Variants in CDH20 observed in about 807,000 individuals in gnomAD.
CDH20 encodes the protein cadherin-20.
CDH20 carries 29 observed loss-of-function variants against 74.2 expected under a neutral mutation model. The observed-to-expected ratio is 0.39, with a 90% CI of 0.29 to 0.53. CDH20 has a LOEUF of 0.53. Ranked by LOEUF, CDH20 falls within the 20% of genes least tolerant of loss-of-function variation. CDH20 has a pLI of 0.69. For missense variants in CDH20, 988 were observed against 1,048.3 expected (o/e 0.94, Z 0.79); for synonymous variants, 469 against 405.4 (o/e 1.16, Z -1.88).
chr18:61,414,020 T>C (rs941976702), intron 1 of CDH20, among the ~76,000 whole-genome samples: 5 of 152,196 alleles, frequency 3.3e-5, no homozygotes, highest in Non-Finnish European at 4.4e-5. Context: ...GATTTCTCAC[T>C]CTGCTCTGTT....
chr18:61,350,193 T>G (rs766040337), intron 1 of CDH20, among the ~76,000 whole-genome samples: 21 of 152,158 alleles, frequency 1.4e-4, no homozygotes, highest in Non-Finnish European at 2.5e-4. Context: ...TGCTTAGCAG[T>G]GTTTATTGCT....
At chr18:61,337,291 G>A (rs1349890262) in intron 1 of CDH20, among the ~76,000 whole-genome samples, 2 of 152,182 alleles carry the variant, frequency 1.3e-5, no homozygotes, top group Non-Finnish European at 2.9e-5. Flanking sequence ...CTTCGGATAT[G>A]GGGAAAATTT....
intron 1 of CDH20, among the ~76,000 whole-genome samples, chr18:61,470,815 G>C (rs1271535908): frequency 6.6e-6 from 1 of 152,010 alleles, no homozygotes; most frequent in African/African-American, 2.4e-5. Context: ...ATACTGAAAC[G>C]TGAAATTGAG....
chr18:61,413,147 TG>T (rs945385825), intron 1 of CDH20, among the ~76,000 whole-genome samples: 13 of 152,226 alleles, frequency 8.5e-5, no homozygotes, highest in African/African-American at 3.1e-4. Flanking sequence ...AAATACAAAA[TG>T]TTTTAATTTT....
chr18:61,489,175 A>G (rs146001152), intron 1 of CDH20, among the ~76,000 whole-genome samples: 1 of 152,362 alleles, frequency 6.6e-6, no homozygotes, highest in East Asian at 1.9e-4. Flanking sequence ...GGCATATTGT[A>G]TTAAATAATT....
chr18:61,485,297 A>T (rs912948423), intron 1 of CDH20, among the ~76,000 whole-genome samples: 1 of 152,230 alleles, frequency 6.6e-6, no homozygotes, highest in African/African-American at 2.4e-5. Flanking sequence ...ATATGTAAAC[A>T]TTGATTTTTA....
chr18:61,353,405 C>T lies in CDH20; in HGVS notation c.-153+19578C>T, dbSNP rs1250139900. 6.6e-6 allele frequency among the ~76,000 whole-genome samples: 1 copy of T among 152,146 alleles called. No individual in the cohort carries two copies. Among genetic ancestry groups the T allele is most frequent in the African/African-American group, 2.4e-5 (1 of 41,420 alleles). ...CAAAAGCCTTCTCAATTTTATGGGT[C>T]AATAGTTACTTCTTCTTCCCCTAGA... On this transcript the variant is annotated intron_variant, in intron 1 of 11. Coordinates refer to ENST00000262717, the MANE Select transcript of CDH20 (RefSeq NM_031891.4). This position sits in a 1 kb window ranked among gnomAD's most constrained non-coding sequence, Gnocchi z 4.6.
At chr18:61,364,276 C>T (rs1048721909) in intron 1 of CDH20, among the ~76,000 whole-genome samples, 25 of 152,078 alleles carry the variant, frequency 1.6e-4, no homozygotes, top group African/African-American at 5.8e-4. Context: ...AGATTAGCGT[C>T]CTCCATAGGT....
intron 1 of CDH20, among the ~76,000 whole-genome samples, chr18:61,445,127 C>A (rs1197200027): frequency 6.6e-6 from 1 of 152,006 alleles, no homozygotes. Context: ...ATTTTCTAGT[C>A]TGCCCTACTC....
chr18:61,411,451 G>A (rs1247893405), intron 1 of CDH20, among the ~76,000 whole-genome samples: 1 of 152,016 alleles, frequency 6.6e-6, no homozygotes, highest in Non-Finnish European at 1.5e-5. Flanking sequence ...AGATACTTGC[G>A]CATGCATATT....
intron 6 of CDH20, among the ~76,000 whole-genome samples, chr18:61,514,822 G>T (rs1192564964): frequency 3.3e-5 from 5 of 152,044 alleles, no homozygotes; most frequent in African/African-American, 4.8e-5. Context: ...GGGGGTCAGG[G>T]GTCAGGGACC....
intron 1 of CDH20, among the ~76,000 whole-genome samples, chr18:61,400,638 C>T (rs1026273241): frequency 2.0e-5 from 3 of 152,136 alleles, no homozygotes; most frequent in Non-Finnish European, 2.9e-5. Context: ...TTAGCTGTGT[C>T]GAAAGTGCTT....
At chr18:61,500,309 G>A (rs1261500512) in intron 3 of CDH20, 74 bp from the exon 4 acceptor site, 10 of 1,503,986 alleles carry the variant, frequency 6.6e-6, no homozygotes, top group Non-Finnish European at 9.0e-6. Flanking sequence ...AATGCTTTAA[G>A]ATGGACCGCT....
At chr18:61,489,143 AT>A (rs1910871537) in intron 1 of CDH20, among the ~76,000 whole-genome samples, 2 of 152,254 alleles carry the variant, frequency 1.3e-5, no homozygotes, top group Non-Finnish European at 2.9e-5. Context: ...CATTAAAATG[AT>A]TTATTATACA....
At chr18:61,334,521 A>G (rs78008640) in intron 1 of CDH20, 9,059 of 152,234 alleles carry the variant, frequency 0.06, 352 homozygotes, top group Middle Eastern at 0.14. Context: ...TGCTTGTTGT[A>G]GTTACTCTGG....
chr18:61,385,683 A>C (rs1911572669), intron 1 of CDH20, among the ~76,000 whole-genome samples: 1 of 152,178 alleles, frequency 6.6e-6, no homozygotes, highest in African/African-American at 2.4e-5. Context: ...CTGTAATCCT[A>C]GCACTTTGGG....
At chr18:61,482,375 A>G in intron 1 of CDH20, among the ~76,000 whole-genome samples, 1 of 152,126 alleles carries the variant, frequency 6.6e-6, no homozygotes, top group South Asian at 2.1e-4. Context: ...CATCTTTTCC[A>G]GTTCCAACTT....
At chr18:61,543,652 T>G (rs72995659) in intron 9 of CDH20, among the ~76,000 whole-genome samples, 1,611 of 152,266 alleles carry the variant, frequency 0.011, 13 homozygotes, top group South Asian at 0.038. Flanking sequence ...TTCTGACTCT[T>G]GTCTGTTCTG....
chr18:61,528,853 T>C (rs1488990052), intron 7 of CDH20, among the ~76,000 whole-genome samples: 6 of 152,204 alleles, frequency 3.9e-5, no homozygotes, highest in Non-Finnish European at 7.3e-5. Context: ...GAAAACAATA[T>C]ATACTACATA....
Sources: allele counts gnomAD v4.1 joint callset (sites outside exome capture counted in the v4.1 genomes callset), GRCh38; gene constraint gnomAD v4.1.1; non-coding constraint Gnocchi (gnomAD v3.1); transcripts MANE v1.5; gene names NCBI Gene and HGNC (gene_info 2026-07-23, HGNC 2026-07-21).